The following DCAF8L2 variants were observed in gnomAD, a reference collection of about 807,000 sequenced individuals.
DCAF8L2 encodes the protein DDB1 and CUL4 associated factor 8 like 2.
For missense variants in DCAF8L2, 430 were observed against 490.7 expected (o/e 0.88, Z 1.17); for synonymous variants, 200 against 190.9 (o/e 1.05, Z -0.39).
intron 2 of DCAF8L2, among the ~76,000 whole-genome samples, chrX:27,664,773 C>G (rs1305802295): frequency 9.0e-6 from 1 of 110,573 alleles, no homozygotes; most frequent in Non-Finnish European, 1.9e-5. Context: ...ATCTTAGAGC[C>G]TATAAGTATT....
chrX:27,641,401 T>C (rs1347356720), intron 2 of DCAF8L2, among the ~76,000 whole-genome samples: 6 of 111,370 alleles, frequency 5.4e-5, no homozygotes, highest in Non-Finnish European at 1.1e-4. Context: ...ACTGTCTTCT[T>C]ATTTGAACTG....
At chrX:27,508,898 GGTGCTTAGTCT>G in the DCAF8L2 span, among the ~76,000 whole-genome samples, 2 of 109,895 alleles carry the variant, frequency 1.8e-5, no homozygotes, top group Non-Finnish European at 3.8e-5. Context: ...ATGAAGTGTA[GGTGCTTAGTCT>G]AGTTCCCAGT....
intron 2 of DCAF8L2, among the ~76,000 whole-genome samples, chrX:27,648,235 G>A (rs1482216441): frequency 9.0e-6 from 1 of 110,863 alleles, no homozygotes; most frequent in Admixed American, 9.7e-5. Flanking sequence ...TGTATAAGAT[G>A]TTTAAAGAAA....
the DCAF8L2 span, among the ~76,000 whole-genome samples, chrX:27,512,112 T>TA: frequency 0.19 from 20,721 of 107,007 alleles, 1,854 homozygotes; most frequent in East Asian, 0.36. Context: ...ACATAAAAAA[T>TA]AAAAAAAAAT....
chrX:27,621,607 T>G (rs1927762382), intron 1 of DCAF8L2, among the ~76,000 whole-genome samples: 1 of 111,336 alleles, frequency 9.0e-6, no homozygotes, highest in Admixed American at 9.6e-5. Flanking sequence ...AAGATGTCAC[T>G]AAAATTTAAG....
At chrX:27,622,546 A>G (rs1927827658) in intron 1 of DCAF8L2, among the ~76,000 whole-genome samples, 1 of 112,115 alleles carries the variant, frequency 8.9e-6, no homozygotes, top group South Asian at 3.6e-4. Context: ...AATAAATTGT[A>G]GAAAGTCAAA....
At chrX:27,519,529 A>T in the DCAF8L2 span, 20 of 805,815 alleles carry the variant, frequency 2.5e-5, no homozygotes, top group Non-Finnish European at 3.6e-5. Flanking sequence ...GGAAAAGACC[A>T]AAGAAGAGTT....
At chrX:27,656,361 A>G (rs1929352102) in intron 2 of DCAF8L2, among the ~76,000 whole-genome samples, 1 of 111,990 alleles carries the variant, frequency 8.9e-6, no homozygotes, top group Non-Finnish European at 1.9e-5. Flanking sequence ...AGAGTTCTGT[A>G]CCTTACTAAT....
At chrX:27,597,797 G>A (rs1926425811) in intron 1 of DCAF8L2, among the ~76,000 whole-genome samples, 1 of 112,297 alleles carries the variant, frequency 8.9e-6, no homozygotes, top group Admixed American at 9.5e-5. Context: ...GAATAAGAAT[G>A]ACATTTACAG....
chrX:27,532,726 A>T, the DCAF8L2 span, among the ~76,000 whole-genome samples: 1 of 85,536 alleles, frequency 1.2e-5, no homozygotes, highest in African/African-American at 4.3e-5. Flanking sequence ...AGTGAGACCC[A>T]TATTTATTTA....
At chrX:27,573,574 G>C in the DCAF8L2 span, among the ~76,000 whole-genome samples, 1 of 111,662 alleles carries the variant, frequency 9.0e-6, no homozygotes, top group Non-Finnish European at 1.9e-5. Flanking sequence ...ATTGGTGACA[G>C]AAGATAGAGG....
chrX:27,674,948 C>T (rs1930091047), intron 2 of DCAF8L2, among the ~76,000 whole-genome samples: 1 of 110,887 alleles, frequency 9.0e-6, no homozygotes, highest in Non-Finnish European at 1.9e-5. Flanking sequence ...TTTTTAACAC[C>T]CAATGGAAAG....
At chrX:27,486,157 C>T in the DCAF8L2 span, among the ~76,000 whole-genome samples, 4 of 107,904 alleles carry the variant, frequency 3.7e-5, no homozygotes, top group Non-Finnish European at 7.7e-5. Context: ...AGTCATGAGC[C>T]ACCATGCCCG....
chrX:27,553,758 T>A, the DCAF8L2 span, among the ~76,000 whole-genome samples: 3 of 110,768 alleles, frequency 2.7e-5, no homozygotes, highest in Admixed American at 1.9e-4. Flanking sequence ...TTCTTCCTTT[T>A]TTCCTTTCTG....
intron 2 of DCAF8L2, among the ~76,000 whole-genome samples, chrX:27,650,882 A>G: frequency 9.0e-6 from 1 of 111,217 alleles, no homozygotes; most frequent in East Asian, 2.8e-4. Context: ...CCAGTTCTCA[A>G]GGGGGATGCT....
chrX:27,482,832 C>G, the DCAF8L2 span, among the ~76,000 whole-genome samples: 1 of 111,490 alleles, frequency 9.0e-6, no homozygotes, highest in Non-Finnish European at 1.9e-5. Context: ...CAATATCTGT[C>G]AAGATAAGAT....
At chrX:27,483,199 G>A in the DCAF8L2 span, among the ~76,000 whole-genome samples, 1 of 111,161 alleles carries the variant, frequency 9.0e-6, no homozygotes, top group African/African-American at 3.3e-5. Context: ...AAAAGATAGT[G>A]TTCAACCTCA....
chrX:27,540,907 G>A, the DCAF8L2 span, among the ~76,000 whole-genome samples: 508 of 111,540 alleles, frequency 4.6e-3, 2 homozygotes, highest in Non-Finnish European at 7.3e-3. Context: ...ATACACACAC[G>A]AAGAAACAGA....
chrX:27,619,004 A>AATCTATCATCT (rs373882054), intron 1 of DCAF8L2, among the ~76,000 whole-genome samples: 2,410 of 101,664 alleles, frequency 0.024, 27 homozygotes, highest in Non-Finnish European at 0.034. Context: ...ATCTATATCT[A>AATCTATCATCT]ATCTATCTAT....
Sources: gnomAD v4.1 joint callset for allele counts (sites outside exome capture counted in the v4.1 genomes callset) on GRCh38, gnomAD v4.1.1 for gene constraint, MANE v1.5 for transcripts, NCBI Gene and HGNC (gene_info 2026-07-23, HGNC 2026-07-21) for gene names.